The following GMDS variants were observed in gnomAD, a reference collection of about 807,000 sequenced individuals.
GMDS encodes GDP-mannose 4,6 dehydratase.
A neutral mutation model predicts 49.9 loss-of-function variants in GMDS; 20 were observed. The ratio of observed to expected loss-of-function variants is 0.40; its 90% CI spans 0.28 to 0.58. GMDS has a LOEUF of 0.58. Ranked by LOEUF, GMDS falls within the 20% of genes least tolerant of loss-of-function variation. GMDS has a pLI of 0.42. For missense variants in GMDS, 362 were observed against 481.4 expected, an observed-to-expected ratio of 0.75 and a Z score of 2.32; for synonymous variants, 177 against 178.6, an observed-to-expected ratio of 0.99 and a Z score of 0.07.
At chr6:2,229,102 G>C (rs544737274) in intron 1 of GMDS, among the ~76,000 whole-genome samples, 28 of 152,328 alleles carry the variant, frequency 1.8e-4, no homozygotes, top group African/African-American at 6.7e-4. Context: ...GATGGGGTGA[G>C]AGAGGGCATC....
intron 7 of GMDS, among the ~76,000 whole-genome samples, chr6:1,863,472 GA>G (rs1758290236): frequency 6.6e-6 from 1 of 152,054 alleles, no homozygotes; most frequent in South Asian, 2.1e-4. Flanking sequence ...TATAAACACA[GA>G]AAAATATTGT....
Position 2,245,575 on chromosome 6 carries a change from G to T in GMDS, c.-153C>A. On this transcript the variant is annotated 5_prime_UTR_variant, in exon 1 of 11. Coordinates refer to ENST00000380815, the MANE Select transcript of GMDS (RefSeq NM_001500.4). ...ACCGCGCGACCGGCCGCCACAGTCT[G>T]ACAGGGGCGCACGGGAGGCCGTGCA... 1 of 415,692 alleles carries T rather than the reference G, an allele frequency of 2.4e-6. No individual in the cohort carries two copies. Among genetic ancestry groups the T allele is most frequent in the South Asian group, 6.3e-5 (1 of 15,844 alleles). 25.8% of individuals were successfully genotyped at this position (415,692 alleles called of 1,614,324 possible).
rs1765716219 is a variant in GMDS at position 1,988,615 on chromosome 6, T to C, written c.346-27649A>G. 2.0e-5 allele frequency among the ~76,000 whole-genome samples: 3 copies of C among 152,180 alleles called. No individual in the cohort carries two copies. The South Asian group carries it at 6.2e-4, about 31-fold the overall frequency. On this transcript the variant is annotated intron_variant, in intron 4 of 10. Coordinates refer to ENST00000380815, the MANE Select transcript of GMDS (RefSeq NM_001500.4). ...ATGCATGCCATCTGTAATAATGCCA[T>C]GTCCTGTGTATTTAACAAGAAAGAA... is the stretch of plus-strand genomic sequence containing the variant.
chr6:2,066,340 T>C (rs1463534298), intron 4 of GMDS, among the ~76,000 whole-genome samples: 1 of 134,984 alleles, frequency 7.4e-6, no homozygotes, highest in Non-Finnish European at 1.6e-5. Flanking sequence ...CCATTGAGAC[T>C]AGGAAGAAAC....
chr6:2,096,555 A>G (rs1396402488), intron 4 of GMDS, among the ~76,000 whole-genome samples: 3 of 152,216 alleles, frequency 2.0e-5, no homozygotes, highest in African/African-American at 7.2e-5. Context: ...AAGGAGCATG[A>G]CAAGCTAAGT....
chr6:1,972,583 G>T (rs989638571), intron 4 of GMDS, among the ~76,000 whole-genome samples: 7 of 152,212 alleles, frequency 4.6e-5, no homozygotes, highest in African/African-American at 1.7e-4. Flanking sequence ...AGAGCACACA[G>T]ATTTGGATTA....
intron 4 of GMDS, among the ~76,000 whole-genome samples, chr6:1,979,906 A>G (rs1170661490): frequency 1.3e-5 from 2 of 152,352 alleles, no homozygotes; most frequent in East Asian, 3.9e-4. Context: ...ATTCTTAAAG[A>G]AAAGAATTTC....
intron 9 of GMDS, among the ~76,000 whole-genome samples, chr6:1,723,591 T>A (rs1481718104): frequency 1.8e-4 from 11 of 60,704 alleles, no homozygotes; most frequent in Middle Eastern, 0.014. Context: ...GGCCTCTTTA[T>A]GGCAATTTTT....
chr6:2,232,576 C>T (rs576277368), intron 1 of GMDS, among the ~76,000 whole-genome samples: 3 of 152,274 alleles, frequency 2.0e-5, no homozygotes, highest in Admixed American at 6.5e-5. Flanking sequence ...TTTCTATCTT[C>T]GTTCAGGTAG....
intron 4 of GMDS, among the ~76,000 whole-genome samples, chr6:2,066,532 G>A (rs1366125430): frequency 6.6e-6 from 1 of 151,964 alleles, no homozygotes; most frequent in African/African-American, 2.4e-5. Flanking sequence ...CATCTCATGT[G>A]CAGAGACACA....
intron 7 of GMDS, among the ~76,000 whole-genome samples, chr6:1,748,548 C>T (rs1767603661): frequency 1.3e-5 from 2 of 152,026 alleles, no homozygotes; most frequent in African/African-American, 4.8e-5. Flanking sequence ...TGTTTACTAC[C>T]AGGTTGCTTT....
chr6:1,713,986 A>C (rs1022547), intron 9 of GMDS, among the ~76,000 whole-genome samples: 113,763 of 152,076 alleles, frequency 0.75, 43,224 homozygotes, highest in East Asian at 1. Flanking sequence ...GACACTGTAC[A>C]CCTTATTAGG....
At chr6:1,921,591 A>G (rs1761718852) in intron 7 of GMDS, among the ~76,000 whole-genome samples, 1 of 152,248 alleles carries the variant, frequency 6.6e-6, no homozygotes, top group Non-Finnish European at 1.5e-5. Context: ...AGAGTTTTCC[A>G]TAGCCAGATC....
intron 4 of GMDS, among the ~76,000 whole-genome samples, chr6:2,115,141 C>G (rs572015988): frequency 9.9e-5 from 15 of 152,100 alleles, no homozygotes; most frequent in Non-Finnish European, 1.8e-4. Flanking sequence ...CAGGAGGACA[C>G]GGCAACAAAA....
intron 4 of GMDS, among the ~76,000 whole-genome samples, chr6:2,069,114 G>T (rs372086544): frequency 6.6e-6 from 1 of 151,962 alleles, no homozygotes; most frequent in African/African-American, 2.4e-5. Context: ...ATAACGTCGC[G>T]TATCTAAAAC....
intron 7 of GMDS, among the ~76,000 whole-genome samples, chr6:1,770,873 C>T (rs1427985432): frequency 6.6e-6 from 1 of 152,126 alleles, no homozygotes; most frequent in African/African-American, 2.4e-5. Flanking sequence ...AAGAAAACTG[C>T]CAAGGTAATA....
intron 4 of GMDS, among the ~76,000 whole-genome samples, chr6:2,001,006 TA>T (rs1448215780): frequency 6.6e-6 from 1 of 152,204 alleles, no homozygotes; most frequent in Non-Finnish European, 1.5e-5. Flanking sequence ...TTCTCTTGGG[TA>T]GAGTAGAATT....
Position 1,898,670 on chromosome 6 carries a change from A to T in GMDS, c.771+31433T>A, listed in dbSNP as rs114725056. Among the ~76,000 whole-genome samples the T allele has an allele frequency of 4.7e-3, 718 of 152,304 alleles. 6 individuals carry two copies. The highest frequency in any genetic ancestry group is 0.016 in the African/African-American group (677 of 41,546). ...CAAGTGTCCTGTCAGTTACAAAATA[A>T]AAAACAGGATCCAATGCAAGCTTGG... On this transcript the variant is annotated intron_variant, in intron 7 of 10. Coordinates refer to ENST00000380815, the MANE Select transcript of GMDS (RefSeq NM_001500.4).
chr6:1,655,510 CACACACACAT>C (rs1763848690), intron 9 of GMDS, among the ~76,000 whole-genome samples: 1 of 113,730 alleles, frequency 8.8e-6, no homozygotes, highest in Non-Finnish European at 1.7e-5. Flanking sequence ...CACACACACA[CACACACACAT>C]ATTTTTTTTT....
Sources: allele counts gnomAD v4.1 joint callset (sites outside exome capture counted in the v4.1 genomes callset), GRCh38; gene constraint gnomAD v4.1.1; transcripts MANE v1.5; gene names NCBI Gene and HGNC (gene_info 2026-07-23, HGNC 2026-07-21).